The following DMD variants were observed in gnomAD, a reference collection of about 807,000 sequenced individuals.
DMD encodes the protein dystrophin.
In DMD, 63 loss-of-function variants were observed where a neutral mutation model predicts 330.1. The ratio of observed to expected loss-of-function variants is 0.19; its 90% CI spans 0.16 to 0.24. DMD has a LOEUF of 0.24. DMD is among the 10% of genes least tolerant of loss of function. The pLI is 1.00. For synonymous variants in DMD, 1,223 were observed against 959.8 expected, an observed-to-expected ratio of 1.27 and a Z score of -5.07; for missense variants, 3,344 against 2,684.1, an observed-to-expected ratio of 1.25 and a Z score of -5.43.
At chrX:32,002,483 TAGCATTAGCTA>T (rs2095633879) in intron 44 of DMD, among the ~76,000 whole-genome samples, 1 of 112,071 alleles carries the variant, frequency 8.9e-6, no homozygotes, top group African/African-American at 3.2e-5. Context: ...TCTTTACACC[TAGCATTAGCTA>T]AGTTTCTCAA....
At chrX:31,738,032 G>A (rs2087003898) in intron 51 of DMD, among the ~76,000 whole-genome samples, 1 of 111,962 alleles carries the variant, frequency 8.9e-6, no homozygotes, top group Non-Finnish European at 1.9e-5. Flanking sequence ...TTTATCACAA[G>A]GACAACTGGG....
chrX:31,894,971 G>T (rs921486735), intron 47 of DMD, among the ~76,000 whole-genome samples: 2 of 111,832 alleles, frequency 1.8e-5, no homozygotes, highest in African/African-American at 6.5e-5. Flanking sequence ...TGGTTAGTTG[G>T]TTACTGGTTA....
chrX:32,885,844 A>AC (rs2084501575), intron 2 of DMD, among the ~76,000 whole-genome samples: 1 of 108,310 alleles, frequency 9.2e-6, no homozygotes, highest in Non-Finnish European at 1.9e-5. Context: ...AAAAAAAAAA[A>AC]AAAAACCTTT....
At chrX:31,266,534 G>A (rs2051136956) in intron 62 of DMD, among the ~76,000 whole-genome samples, 1 of 112,478 alleles carries the variant, frequency 8.9e-6, no homozygotes, top group African/African-American at 3.2e-5. Context: ...CCCCTCTGGG[G>A]ACGGGGAGAA....
chrX:33,203,034 A>G (rs976117834), intron 1 of DMD, among the ~76,000 whole-genome samples: 4 of 111,861 alleles, frequency 3.6e-5, no homozygotes, highest in Non-Finnish European at 7.5e-5. Flanking sequence ...AATGCCTTCT[A>G]TCTCTTTATT....
At chrX:31,281,362 A>G in intron 62 of DMD, among the ~76,000 whole-genome samples, 1 of 111,157 alleles carries the variant, frequency 9.0e-6, no homozygotes, top group East Asian at 2.8e-4. Context: ...CTTCTCATCT[A>G]ACCATCAAGC....
chrX:31,611,636 C>T (rs1339870460), intron 55 of DMD, among the ~76,000 whole-genome samples: 1 of 111,477 alleles, frequency 9.0e-6, no homozygotes, highest in African/African-American at 3.3e-5. Context: ...GTGTCATTCA[C>T]TGCTTCCTCC....
At chrX:31,429,486 G>T (rs1426837568) in intron 60 of DMD, among the ~76,000 whole-genome samples, 1 of 112,034 alleles carries the variant, frequency 8.9e-6, no homozygotes, top group Admixed American at 9.5e-5. Context: ...TTTCCATGCA[G>T]CTTCCCCATG....
intron 9 of DMD, among the ~76,000 whole-genome samples, chrX:32,667,804 C>G (rs181307288): frequency 2.1e-5 from 2 of 95,356 alleles, no homozygotes; most frequent in East Asian, 6.5e-4. Context: ...CTACTCAAGT[C>G]AGATAATGGT....
At chrX:32,844,973 C>T in intron 3 of DMD, 113 bp from the exon 4 acceptor site, 1 of 620,592 alleles carries the variant, frequency 1.6e-6, no homozygotes. Context: ...ACGAACAGAG[C>T]CTGTGAGGCA....
intron 52 of DMD, among the ~76,000 whole-genome samples, chrX:31,727,938 C>G (rs1454729250): frequency 8.9e-6 from 1 of 112,506 alleles, no homozygotes; most frequent in Non-Finnish European, 1.9e-5. Flanking sequence ...ACAAAAGCAA[C>G]AAAACAAGAT....
Position 32,692,659 on chromosome X carries a change from C to T in DMD, c.960+5211G>A, listed in dbSNP as rs368688125. On this transcript the variant is annotated intron_variant, in intron 9 of 78. Coordinates refer to ENST00000357033, the MANE Select transcript of DMD (RefSeq NM_004006.3). ...AGATTGTTCCTCAGCAACCTCAGAA[C>T]AAAAAAGGATATCCTTTTCCTTAGA... Among the ~76,000 whole-genome samples, 43 of 111,660 alleles carry T rather than the reference C, an allele frequency of 3.9e-4. No homozygotes were observed. In the South Asian group the frequency reaches 0.015, roughly 39 times the overall value.
chrX:32,762,585 T>C (rs913827933), intron 7 of DMD, among the ~76,000 whole-genome samples: 1 of 111,737 alleles, frequency 8.9e-6, no homozygotes, highest in East Asian at 2.8e-4. Flanking sequence ...TATGGTAGAC[T>C]GCAAAGGATT....
intron 3 of DMD, among the ~76,000 whole-genome samples, chrX:32,848,485 C>T (rs1227714457): frequency 9.0e-6 from 1 of 111,489 alleles, no homozygotes; most frequent in Non-Finnish European, 1.9e-5. Context: ...TGATTTTCCC[C>T]CTTGACTAAA....
At chrX:32,310,714 C>T (rs1569557039) in intron 41 of DMD, among the ~76,000 whole-genome samples, 1 of 110,314 alleles carries the variant, frequency 9.1e-6, no homozygotes, top group South Asian at 3.8e-4. Context: ...AGGCAACTTT[C>T]CTGTATCTAT....
intron 44 of DMD, among the ~76,000 whole-genome samples, chrX:32,148,953 T>C (rs780175907): frequency 2.8e-4 from 31 of 112,110 alleles, no homozygotes; most frequent in African/African-American, 1.0e-3. Flanking sequence ...CTACTGTCTT[T>C]ACACTGAATA....
chrX:31,766,989 A>C (rs2090042322), intron 51 of DMD, among the ~76,000 whole-genome samples: 1 of 110,383 alleles, frequency 9.1e-6, no homozygotes, highest in African/African-American at 3.3e-5. Flanking sequence ...ACTGACACTG[A>C]CATATCTTTA....
intron 60 of DMD, among the ~76,000 whole-genome samples, chrX:31,373,812 T>G (rs1297455492): frequency 5.1e-4 from 55 of 108,775 alleles, no homozygotes; most frequent in African/African-American, 1.8e-3. Flanking sequence ...AAGCCAAAAT[T>G]GACAAATGGG....
At chrX:32,702,635 A>G (rs1014738303) in intron 7 of DMD, among the ~76,000 whole-genome samples, 2 of 111,599 alleles carry the variant, frequency 1.8e-5, no homozygotes, top group Non-Finnish European at 3.8e-5. Context: ...AAATTCTTTA[A>G]GTACAGAATG....
Sources: allele counts gnomAD v4.1 joint callset (sites outside exome capture counted in the v4.1 genomes callset), GRCh38; gene constraint gnomAD v4.1.1; transcripts MANE v1.5; gene names NCBI Gene and HGNC (gene_info 2026-07-23, HGNC 2026-07-21).